The following TEAD1 variants were observed in gnomAD, a reference collection of about 807,000 sequenced individuals.
TEAD1 encodes the protein TEA domain transcription factor 1.
TEAD1 carries 9 observed loss-of-function variants against 54.9 expected under a neutral mutation model. That is an observed-to-expected ratio of 0.16 (90% CI 0.10 to 0.29). The LOEUF (loss-of-function observed/expected upper bound fraction) is 0.29. Ranked by LOEUF, TEAD1 falls within the 10% of genes least tolerant of loss-of-function variation. The probability of loss-of-function intolerance (pLI) is 1.00; values close to 1 mark genes in which losing one functional copy is unlikely to be tolerated. For synonymous variants in TEAD1, 200 were observed against 187.8 expected (o/e 1.07, Z -0.53); for missense variants, 387 against 535.9 (o/e 0.72, Z 2.74).
At chr11:12,805,976 T>C (rs913664570) in intron 3 of TEAD1, among the ~76,000 whole-genome samples, 6 of 152,220 alleles carry the variant, frequency 3.9e-5, no homozygotes, top group African/African-American at 1.2e-4. Context: ...CTGTGTGAGC[T>C]TCTCATTAGT....
At chr11:12,741,480 ATTATAGTCT>A (rs972156248) in intron 2 of TEAD1, among the ~76,000 whole-genome samples, 2 of 152,166 alleles carry the variant, frequency 1.3e-5, no homozygotes, top group African/African-American at 4.8e-5. Flanking sequence ...TAGAGATGTG[ATTATAGTCT>A]TTAAAGTCTT....
chr11:12,765,405 A>C (rs1356781705), intron 3 of TEAD1, among the ~76,000 whole-genome samples: 1 of 152,184 alleles, frequency 6.6e-6, no homozygotes, highest in East Asian at 1.9e-4. Context: ...TGCAAACACA[A>C]ATAACCTAAC....
intron 10 of TEAD1, among the ~76,000 whole-genome samples, chr11:12,905,846 G>T (rs1212408937): frequency 2.0e-5 from 3 of 152,088 alleles, no homozygotes; most frequent in Non-Finnish European, 4.4e-5. Flanking sequence ...TATCTGCTAC[G>T]TCCAACCTGG....
In TEAD1 at chr11:12,939,403, C is replaced by T. The variant is rs1949139706; in HGVS notation, c.*2181C>T. On this transcript the variant is annotated 3_prime_UTR_variant, in exon 13 of 13. Transcript: ENST00000527636. Reference sequence around the variant, plus strand: ...TTTATGACCAGGCGAGCACAAATGGCTAAAAGCCAAGCTGTCCTAGAACTT... The same window carrying T: ...TTTATGACCAGGCGAGCACAAATGGTTAAAAGCCAAGCTGTCCTAGAACTT... The T allele has an allele frequency of 6.6e-6, 1 of 152,282 alleles. No individual in the cohort carries two copies. The highest frequency in any genetic ancestry group is 6.5e-5 in the Admixed American group (1 of 15,288). The allele number at this position is 152,282 out of a possible 1,614,324, so 9.4% of individuals were successfully genotyped here.
At chr11:12,683,865 GAC>G (rs1943276285) in intron 2 of TEAD1, among the ~76,000 whole-genome samples, 1 of 152,110 alleles carries the variant, frequency 6.6e-6, no homozygotes, top group African/African-American at 2.4e-5. Context: ...TTTGGAATTG[GAC>G]ACACGTTGGC....
chr11:12,871,744 TTC>T (rs1229881706), intron 5 of TEAD1, among the ~76,000 whole-genome samples: 2 of 152,192 alleles, frequency 1.3e-5, no homozygotes, highest in Non-Finnish European at 2.9e-5. Context: ...TCTGGTTCAC[TTC>T]TCGAGTGTGT....
At chr11:12,718,034 G>A (rs1590080301) in intron 2 of TEAD1, among the ~76,000 whole-genome samples, 2 of 152,326 alleles carry the variant, frequency 1.3e-5, no homozygotes, top group South Asian at 4.1e-4. Context: ...GGTGGTGGTG[G>A]TGAAGGTAGA....
chr11:12,686,207 G>A (rs551403418), intron 2 of TEAD1, among the ~76,000 whole-genome samples: 1 of 152,290 alleles, frequency 6.6e-6, no homozygotes, highest in Non-Finnish European at 1.5e-5. Context: ...GGTACTAATA[G>A]GAAATTGTCA....
Position 12,832,454 on chromosome 11 carries a change from A to G in TEAD1, c.203-29796A>G, listed in dbSNP as rs550282881. Among the ~76,000 whole-genome samples, 610 of 152,348 alleles carry G rather than the reference A, an allele frequency of 4.0e-3. 2 individuals are homozygous for G. Among genetic ancestry groups the G allele is most frequent in the Middle Eastern group, 6.8e-3 (2 of 294 alleles). The stretch of plus-strand genomic sequence containing the variant: ...TCCCAAGACCAAATTTAATCTATAC[A>G]TTCTTGGTAAGACCTTATTTTTCTC... On this transcript the variant is annotated intron_variant, in intron 3 of 12. Transcript: ENST00000527636.
At chr11:12,820,616 A>T (rs1172018381) in intron 3 of TEAD1, among the ~76,000 whole-genome samples, 4 of 152,146 alleles carry the variant, frequency 2.6e-5, no homozygotes, top group Admixed American at 6.5e-5. Flanking sequence ...GGGTTGAGAG[A>T]GGAAATGCGA....
intron 3 of TEAD1, among the ~76,000 whole-genome samples, chr11:12,839,099 C>G (rs1946970076): frequency 6.6e-6 from 1 of 151,150 alleles, no homozygotes; most frequent in African/African-American, 2.5e-5. Flanking sequence ...ATTTTTCATT[C>G]CAATTTACTT....
At chr11:12,845,581 TA>T (rs1438798251) in intron 3 of TEAD1, among the ~76,000 whole-genome samples, 1 of 152,212 alleles carries the variant, frequency 6.6e-6, no homozygotes, top group Non-Finnish European at 1.5e-5. Flanking sequence ...GTGTGATGGC[TA>T]AATGGGAACT....
At chr11:12,816,259 C>G (rs1477830135) in intron 3 of TEAD1, among the ~76,000 whole-genome samples, 1 of 152,204 alleles carries the variant, frequency 6.6e-6, no homozygotes, top group African/African-American at 2.4e-5. Flanking sequence ...CTCTCTCATT[C>G]CAGTGTCTCT....
At chr11:12,744,868 C>T (rs1385839322) in intron 2 of TEAD1, among the ~76,000 whole-genome samples, 1 of 152,130 alleles carries the variant, frequency 6.6e-6, no homozygotes, top group Non-Finnish European at 1.5e-5. Flanking sequence ...AGGCACCTGG[C>T]TCCCCCAGGC....
In TEAD1 at chr11:12,789,987, A is replaced by G. The variant is rs908461238; in HGVS notation, c.202+25553A>G. ...AGTCCTTGCTCTGCTATTTAAATCT[A>G]TCACTCGTTGGTGACAGCTTTCTGC... On this transcript the variant is annotated intron_variant, in intron 3 of 12. Coordinates refer to ENST00000527636, the MANE Select transcript of TEAD1 (RefSeq NM_021961.6). Among the ~76,000 whole-genome samples, 7 of 152,128 alleles carry G rather than the reference A, an allele frequency of 4.6e-5. No individual in the cohort carries two copies. In the East Asian group the frequency reaches 7.7e-4, roughly 17 times the overall value.
At chr11:12,936,393 A>G (rs2134178432) in intron 12 of TEAD1, among the ~76,000 whole-genome samples, 2 of 152,312 alleles carry the variant, frequency 1.3e-5, no homozygotes, top group Middle Eastern at 6.8e-3. Flanking sequence ...ATTCCACAGG[A>G]TTCTACCTAT....
chr11:12,795,126 T>C (rs1030520430), intron 3 of TEAD1, among the ~76,000 whole-genome samples: 1 of 152,180 alleles, frequency 6.6e-6, no homozygotes, highest in African/African-American at 2.4e-5. Flanking sequence ...CTCAAGTCTT[T>C]AGGGGAGGAT....
At chr11:12,925,806 T>C (rs1948895238) in intron 11 of TEAD1, among the ~76,000 whole-genome samples, 1 of 152,166 alleles carries the variant, frequency 6.6e-6, no homozygotes. Context: ...TAGATAGACG[T>C]CAAGGTGGTA....
At chr11:12,908,154 A>G (rs1370861257) in intron 10 of TEAD1, among the ~76,000 whole-genome samples, 1 of 152,154 alleles carries the variant, frequency 6.6e-6, no homozygotes, top group Non-Finnish European at 1.5e-5. Context: ...CTAACAGAGG[A>G]TAGTCCAGGA....
Sources: gnomAD v4.1 joint callset for allele counts (sites outside exome capture counted in the v4.1 genomes callset) on GRCh38, gnomAD v4.1.1 for gene constraint, MANE v1.5 for transcripts, NCBI Gene and HGNC (gene_info 2026-07-23, HGNC 2026-07-21) for gene names.